The following SLC11A2 variants were observed in gnomAD, a reference collection of about 807,000 sequenced individuals.
The protein encoded by SLC11A2 is natural resistance-associated macrophage protein 2.
SLC11A2 carries 38 observed loss-of-function variants against 68.0 expected under a neutral mutation model. The ratio of observed to expected loss-of-function variants is 0.56; its 90% CI spans 0.43 to 0.73. The LOEUF is 0.73. SLC11A2 is among the 30% of genes least tolerant of loss of function. SLC11A2 has a pLI of 0.00. For synonymous variants in SLC11A2, 242 were observed against 250.6 expected (o/e 0.97, Z 0.32); for missense variants, 517 against 690.5 (o/e 0.75, Z 2.82).
chr12:50,986,130 A>G lies in SLC11A2; in HGVS notation c.*2195T>C. 7.8e-7 allele frequency: 1 copy of G among 1,286,462 alleles called. No homozygotes were observed. The highest frequency in any genetic ancestry group is 1.0e-6 in the Non-Finnish European group (1 of 988,044). 79.7% of individuals were successfully genotyped at this position (1,286,462 alleles called of 1,614,324 possible). A position where few individuals can be genotyped will look rare whatever the true frequency, so the allele number is the denominator to read the frequency against. ...AAGAGCTCTTCCCTTTTCCCCTGTTAATTTCCAGTATAATGTAGCAGCACA... is the reference window on the plus strand; with the variant it reads ...AAGAGCTCTTCCCTTTTCCCCTGTTGATTTCCAGTATAATGTAGCAGCACA... On this transcript the variant is annotated 3_prime_UTR_variant, in exon 16 of 16. Transcript: ENST00000262052.
intron 1 of SLC11A2, among the ~76,000 whole-genome samples, chr12:51,016,189 C>G (rs1943636111): frequency 2.0e-5 from 3 of 152,032 alleles, no homozygotes; most frequent in Admixed American, 2.0e-4. Flanking sequence ...TTGCTTAAGC[C>G]CAGGAGTTCA....
intron 3 of SLC11A2, chr12:51,005,860 T>G (rs1942676582): frequency 7.8e-6 from 3 of 384,278 alleles, no homozygotes; most frequent in South Asian, 6.4e-5. Context: ...CCCAACCAAC[T>G]GAACGGATCC....
At chr12:51,010,658 A>T (rs1416786069) in intron 2 of SLC11A2, 37 bp downstream of exon 2, 1 of 1,178,946 alleles carries the variant, frequency 8.5e-7, no homozygotes, top group East Asian at 2.3e-5. Context: ...ACCTAATTAC[A>T]AATAAAATTA....
At chr12:50,978,400 C>A (rs1939880193), downstream of SLC11A2, among the ~76,000 whole-genome samples, 1 of 149,316 alleles carries the variant, frequency 6.7e-6, no homozygotes, top group East Asian at 2.0e-4. Flanking sequence ...GGACAAAAAA[C>A]CAAACGTCGC....
chr12:50,985,912 T>C, downstream of SLC11A2: 1 of 971,268 alleles, frequency 1.0e-6, no homozygotes, highest in Admixed American at 1.3e-4. Context: ...TAGTTGCTGT[T>C]TCAGTATTTT....
At chr12:51,014,925 C>T (rs531187059) in intron 1 of SLC11A2, among the ~76,000 whole-genome samples, 3 of 152,202 alleles carry the variant, frequency 2.0e-5, no homozygotes, top group Non-Finnish European at 2.9e-5. Flanking sequence ...CTTCGGGAGG[C>T]TGAGGCAGGC....
At chr12:50,980,087 G>A, downstream of SLC11A2, 1 of 382,110 alleles carries the variant, frequency 2.6e-6, no homozygotes, top group South Asian at 1.9e-5. Context: ...TTAGCTGGGT[G>A]TGGTGGTGTG....
intron 1 of SLC11A2, among the ~76,000 whole-genome samples, chr12:51,019,578 T>A (rs1351013490): frequency 6.6e-6 from 1 of 152,056 alleles, no homozygotes; most frequent in African/African-American, 2.4e-5. Flanking sequence ...TTACTCTCCC[T>A]CTATTTTTCC....
rs1941227655 is a variant in SLC11A2 at position 50,992,274 on chromosome 12, G to A, written c.1263C>T (p.Ile421=). Residue 421 remains isoleucine (I), a synonymous_variant, in exon 13 of 16, where the codon ATC becomes ATT. Coordinates refer to ENST00000262052, the MANE Select transcript of SLC11A2 (RefSeq NM_000617.3). ...GGAAGACAGCAACAAGCAGAGTGGGGATGATGGCAATAGAGCGAGTCAGAA... is the reference window on the plus strand; with the variant it reads ...GGAAGACAGCAACAAGCAGAGTGGGAATGATGGCAATAGAGCGAGTCAGAA... ...RVVLTRSIAI[I]PTLLVAVFQD... The A allele has an allele frequency of 6.2e-7, 1 of 1,613,900 alleles. No individual in the cohort carries two copies. Among genetic ancestry groups the A allele is most frequent in the Non-Finnish European group, 8.5e-7 (1 of 1,179,798 alleles).
At chr12:51,019,385 A>G (rs1214396787) in intron 1 of SLC11A2, among the ~76,000 whole-genome samples, 1 of 152,202 alleles carries the variant, frequency 6.6e-6, no homozygotes, top group Non-Finnish European at 1.5e-5. Context: ...TTACTGTATT[A>G]TTAACACAAC....
At chr12:51,017,797 C>T (rs364627) in intron 1 of SLC11A2, among the ~76,000 whole-genome samples, 135,239 of 152,056 alleles carry the variant, frequency 0.89, 60,786 homozygotes, top group East Asian at 0.98. Flanking sequence ...CACCTAAATG[C>T]AAAATATTAA....
chr12:50,954,722 T>C, the SLC11A2 span, among the ~76,000 whole-genome samples: 1 of 152,112 alleles, frequency 6.6e-6, no homozygotes, highest in Non-Finnish European at 1.5e-5. Context: ...TGAGACCCTG[T>C]CTCAAAAACA....
chr12:50,960,447 AG>A, the SLC11A2 span, among the ~76,000 whole-genome samples: 1 of 152,234 alleles, frequency 6.6e-6, no homozygotes, highest in African/African-American at 2.4e-5. Context: ...TGACTAGACA[AG>A]TTACTACACT....
downstream of SLC11A2, among the ~76,000 whole-genome samples, chr12:50,974,821 A>G (rs1379506178): frequency 6.6e-6 from 1 of 152,224 alleles, no homozygotes; most frequent in East Asian, 1.9e-4. Flanking sequence ...GAAAACAAAA[A>G]GAGGCAGGGG....
chr12:50,999,046 CT>C, intron 8 of SLC11A2, 127 bp downstream of exon 8: 6 of 810,006 alleles, frequency 7.4e-6, no homozygotes, highest in Non-Finnish European at 1.2e-5. Context: ...GAAAAATTGG[CT>C]TTTTGTTGAT....
the SLC11A2 span, chr12:50,970,356 TAG>T: frequency 1.3e-6 from 1 of 753,062 alleles, no homozygotes; most frequent in Non-Finnish European, 2.3e-6. Context: ...AATTGTGGGC[TAG>T]TTTCATAAAA....
At chr12:51,026,063 C>CCGCGCCCA in intron 1 of SLC11A2, 1 of 1,098,436 alleles carries the variant, frequency 9.1e-7, no homozygotes, top group East Asian at 1.1e-4. Flanking sequence ...GCGAGACCCC[C>CCGCGCCCA]GCGACCTCCG....
At chr12:51,020,917 T>A (rs540791022) in intron 1 of SLC11A2, among the ~76,000 whole-genome samples, 1 of 151,680 alleles carries the variant, frequency 6.6e-6, no homozygotes, top group African/African-American at 2.4e-5. Context: ...TAGTGAGACA[T>A]TGTCTCTACA....
At chr12:51,008,767 G>A in intron 2 of SLC11A2, 143 bp from the exon 3 acceptor site, 1 of 681,140 alleles carries the variant, frequency 1.5e-6, no homozygotes, top group South Asian at 1.7e-5. Context: ...ATTTTGAATA[G>A]TTTATTTTTA....
Sources: allele counts gnomAD v4.1 joint callset (sites outside exome capture counted in the v4.1 genomes callset), GRCh38; gene constraint gnomAD v4.1.1; transcripts MANE v1.5; gene names NCBI Gene and HGNC (gene_info 2026-07-23, HGNC 2026-07-21).